DCC: variants seen among roughly 807,000 people sequenced by gnomAD.
DCC encodes the protein netrin receptor DCC.
In DCC, 58 loss-of-function variants were observed where a neutral mutation model predicts 172.5. That is an observed-to-expected ratio of 0.34 (90% CI 0.27 to 0.42). The LOEUF (loss-of-function observed/expected upper bound fraction) is 0.42. DCC is among the 10% of genes least tolerant of loss of function. The probability of loss-of-function intolerance (pLI) is 1.00; values close to 1 mark genes in which losing one functional copy is unlikely to be tolerated. For synonymous variants in DCC, 709 were observed against 644.5 expected, an observed-to-expected ratio of 1.10 and a Z score of -1.52; for missense variants, 1,740 against 1,791.0, an observed-to-expected ratio of 0.97 and a Z score of 0.51.
chr18:53,390,541 G>A (rs889769722), intron 16 of DCC, among the ~76,000 whole-genome samples: 2 of 152,070 alleles, frequency 1.3e-5, no homozygotes, highest in African/African-American at 4.8e-5. Flanking sequence ...CAGCCTGAGA[G>A]TTATATTATC....
At chr18:52,933,257 G>T (rs2040334278) in intron 5 of DCC, among the ~76,000 whole-genome samples, 1 of 151,968 alleles carries the variant, frequency 6.6e-6, no homozygotes, top group South Asian at 2.1e-4. Flanking sequence ...TAGTCTTTGG[G>T]CATAAGAAGA....
intron 15 of DCC, among the ~76,000 whole-genome samples, chr18:53,342,512 T>C (rs1282355294): frequency 6.6e-6 from 1 of 151,576 alleles, no homozygotes; most frequent in Non-Finnish European, 1.5e-5. Context: ...ATTATTTATA[T>C]ACAGTACATT....
intron 1 of DCC, among the ~76,000 whole-genome samples, chr18:52,474,832 C>T (rs1989048584): frequency 6.6e-6 from 1 of 152,156 alleles, no homozygotes; most frequent in African/African-American, 2.4e-5. Context: ...AAGACTTTCT[C>T]CTTTATGGAG....
intron 5 of DCC, among the ~76,000 whole-genome samples, chr18:53,033,173 A>G (rs1271792420): frequency 1.3e-5 from 2 of 152,128 alleles, no homozygotes; most frequent in Admixed American, 1.3e-4. Context: ...GAGTGTAATG[A>G]AGGAACTCAA....
intron 8 of DCC, among the ~76,000 whole-genome samples, chr18:53,178,510 G>A (rs1373568655): frequency 2.0e-5 from 3 of 152,148 alleles, no homozygotes; most frequent in African/African-American, 4.8e-5. Flanking sequence ...CATACAATGA[G>A]AGAAAATGCA....
chr18:52,906,246 G>A lies in DCC; in HGVS notation c.615G>A (p.Gly205=). ...GALQISRLQP[G]DIGIYRCSAR... The stretch of plus-strand genomic sequence containing the variant: ...TGCAGATCAGCCGACTCCAACCGGG[G>A]GACATTGGAATTTACCGATGCTCAG... The change falls in exon 3 of 29, where the codon GGG becomes GGA. Residue 205 remains glycine (G), a synonymous_variant. Transcript: ENST00000442544. 6.2e-7 allele frequency: 1 copy of A among 1,614,014 alleles called. No homozygotes were observed. Among genetic ancestry groups the A allele is most frequent in the Non-Finnish European group, 8.5e-7 (1 of 1,180,018 alleles).
At chr18:53,417,527 T>C (rs956576011) in intron 21 of DCC, among the ~76,000 whole-genome samples, 1 of 152,166 alleles carries the variant, frequency 6.6e-6, no homozygotes, top group Non-Finnish European at 1.5e-5. Flanking sequence ...CTTGGTCAAA[T>C]CCAAATCTGG....
chr18:53,047,389 T>C (rs2042263319), intron 5 of DCC, among the ~76,000 whole-genome samples: 1 of 123,206 alleles, frequency 8.1e-6, no homozygotes, highest in South Asian at 2.5e-4. Flanking sequence ...TTATATATTA[T>C]ATAAAATATG....
chr18:52,658,927 G>T (rs140850140), intron 1 of DCC, among the ~76,000 whole-genome samples: 1 of 152,140 alleles, frequency 6.6e-6, no homozygotes, highest in African/African-American at 2.4e-5. Flanking sequence ...ATCAGAATTT[G>T]TCATTCAATA....
rs184026209 is a variant in DCC at position 52,659,835 on chromosome 18, G to A, written c.92-92219G>A. On this transcript the variant is annotated intron_variant, in intron 1 of 28. Coordinates refer to ENST00000442544, the MANE Select transcript of DCC (RefSeq NM_005215.4). ...ACAATGCACGTTCATTGCAACCACC[G>A]TGACCATGGATAACAGGAGCAGACG... is the stretch of plus-strand genomic sequence containing the variant. Among the ~76,000 whole-genome samples the A allele has an allele frequency of 2.9e-3, 437 of 152,120 alleles. 13 individuals are homozygous for A. The highest frequency in any genetic ancestry group is 0.028 in the Admixed American group (421 of 15,266).
intron 1 of DCC, among the ~76,000 whole-genome samples, chr18:52,378,252 G>T (rs1490112109): frequency 1.3e-5 from 2 of 151,784 alleles, no homozygotes; most frequent in Admixed American, 1.3e-4. Flanking sequence ...AACTGAATTT[G>T]GTTAGAAACT....
At chr18:52,915,048 G>T (rs978344841) in intron 3 of DCC, among the ~76,000 whole-genome samples, 1 of 152,086 alleles carries the variant, frequency 6.6e-6, no homozygotes, top group Non-Finnish European at 1.5e-5. Context: ...GCAACTACTG[G>T]TTATTTTGAG....
chr18:52,708,537 A>G (rs1003693143), intron 1 of DCC, among the ~76,000 whole-genome samples: 1 of 152,148 alleles, frequency 6.6e-6, no homozygotes, highest in Non-Finnish European at 1.5e-5. Context: ...CAGAGGCCAA[A>G]GGCAAAAGAT....
chr18:52,510,045 G>A lies in DCC; in HGVS notation c.91+169167G>A, dbSNP rs367590873. On this transcript the variant is annotated intron_variant, in intron 1 of 28. Coordinates refer to ENST00000442544, the MANE Select transcript of DCC (RefSeq NM_005215.4). ...CTTGAACCCAGGAGGCGGAGGTTAC[G>A]GTGAGCTGAGATAGCACCACTGCAC... Among the ~76,000 whole-genome samples the A allele has an allele frequency of 1.9e-4, 29 of 151,774 alleles. No homozygotes were observed. The East Asian group carries it at 5.6e-3, about 30-fold the overall frequency.
At chr18:53,527,084 T>A (rs1394632171) in intron 28 of DCC, 1 of 337,632 alleles carries the variant, frequency 3.0e-6, no homozygotes, top group Non-Finnish European at 5.6e-6. Flanking sequence ...GATATACACA[T>A]GGATACGTGT....
At chr18:52,396,281 A>ACCC (rs34363129) in intron 1 of DCC, among the ~76,000 whole-genome samples, 88 of 114,366 alleles carry the variant, frequency 7.7e-4, no homozygotes, top group Non-Finnish European at 9.2e-4. Flanking sequence ...CCTGCACCAC[A>ACCC]CCCCCCCCCC....
intron 7 of DCC, among the ~76,000 whole-genome samples, chr18:53,082,837 C>T (rs951790581): frequency 6.6e-5 from 10 of 151,968 alleles, no homozygotes; most frequent in Admixed American, 1.3e-4. Context: ...CTTCTATGTT[C>T]TACCTCATTA....
intron 27 of DCC, among the ~76,000 whole-genome samples, chr18:53,503,343 A>G: frequency 6.6e-6 from 1 of 152,186 alleles, no homozygotes; most frequent in South Asian, 2.1e-4. Context: ...AATGTAACTT[A>G]CAAGACTCTA....
At chr18:52,999,931 G>A (rs1412460058) in intron 5 of DCC, among the ~76,000 whole-genome samples, 1 of 151,904 alleles carries the variant, frequency 6.6e-6, no homozygotes, top group African/African-American at 2.4e-5. Flanking sequence ...TCTTTATAAG[G>A]GAATACATAG....
Sources: allele counts gnomAD v4.1 joint callset (sites outside exome capture counted in the v4.1 genomes callset), GRCh38; gene constraint gnomAD v4.1.1; transcripts MANE v1.5; gene names NCBI Gene and HGNC (gene_info 2026-07-23, HGNC 2026-07-21).